The following SFSWAP variants were observed in gnomAD, a reference collection of about 807,000 sequenced individuals.
SFSWAP encodes splicing factor SWAP.
A neutral mutation model predicts 100.7 loss-of-function variants in SFSWAP; 17 were observed. The observed-to-expected ratio is 0.17, with a 90% CI of 0.12 to 0.25. SFSWAP has a LOEUF of 0.25. Among genes scored for constraint, SFSWAP ranks in the 10% least tolerant of loss-of-function variants. SFSWAP has a pLI of 1.00. For synonymous variants in SFSWAP, 504 were observed against 510.1 expected (o/e 0.99, Z 0.16); for missense variants, 1,005 against 1,262.6 (o/e 0.80, Z 3.09).
At chr12:131,751,463 G>A (rs575063806) in intron 7 of SFSWAP, among the ~76,000 whole-genome samples, 10 of 152,302 alleles carry the variant, frequency 6.6e-5, no homozygotes, top group East Asian at 1.9e-4. Flanking sequence ...GGTCAGTTCC[G>A]CCTGGCCCTC....
rs549602518 is a variant in SFSWAP, at chr12:131,711,099, C to T, written c.-131C>T. The T allele has an allele frequency of 7.0e-5, 51 of 725,874 alleles. No individual in the cohort carries two copies. In the Middle Eastern group the frequency reaches 1.2e-3, roughly 17 times the overall value. 45.0% of individuals were successfully genotyped at this position (725,874 alleles called of 1,614,324 possible). A position where few individuals can be genotyped will look rare whatever the true frequency, so the allele number is the denominator to read the frequency against. ...AAGCTGCCCCTCCACCATTTTGTGG[C>T]CCGCTATGGCGGCGGTGTTGAGGTT... On this transcript the variant is annotated 5_prime_UTR_variant, in exon 1 of 18. Transcript: ENST00000261674. The surrounding 1 kb of genome is among the most constrained non-coding windows in gnomAD (Gnocchi z 4.9).
At chr12:131,759,225 A>C (rs1474899970) in intron 11 of SFSWAP, among the ~76,000 whole-genome samples, 1 of 152,226 alleles carries the variant, frequency 6.6e-6, no homozygotes, top group African/African-American at 2.4e-5. Context: ...TAAGTGCTGA[A>C]ATTATTTCAT....
intron 14 of SFSWAP, among the ~76,000 whole-genome samples, chr12:131,783,302 C>G (rs779315110): frequency 1.6e-4 from 25 of 151,978 alleles, no homozygotes; most frequent in Non-Finnish European, 2.9e-4. Flanking sequence ...AGTTCATTTA[C>G]AACCTGAAAT....
chr12:131,737,420 C>T (rs1880139273), intron 7 of SFSWAP, among the ~76,000 whole-genome samples: 2 of 152,198 alleles, frequency 1.3e-5, no homozygotes. Context: ...CAGCGTGACT[C>T]GTCACCCTCT....
intron 13 of SFSWAP, among the ~76,000 whole-genome samples, chr12:131,771,554 G>C (rs1468660240): frequency 1.3e-5 from 2 of 151,942 alleles, no homozygotes; most frequent in Non-Finnish European, 2.9e-5. Flanking sequence ...TGTCCCTGTC[G>C]GCATTGGTTA....
chr12:131,797,582 C>G (rs1048095389), intron 16 of SFSWAP, among the ~76,000 whole-genome samples: 2 of 152,250 alleles, frequency 1.3e-5, no homozygotes, highest in South Asian at 4.1e-4. Flanking sequence ...TGGGGAGACC[C>G]TCCTGCAGAG....
At chr12:131,780,047 C>T (rs1177419467) in intron 14 of SFSWAP, among the ~76,000 whole-genome samples, 1 of 152,172 alleles carries the variant, frequency 6.6e-6, no homozygotes, top group Non-Finnish European at 1.5e-5. Flanking sequence ...CAGCCTCCCA[C>T]AGTGCTGGGG....
At chr12:131,727,154 G>T (rs757794667) in intron 6 of SFSWAP, 102 bp downstream of exon 6, 4 of 711,000 alleles carry the variant, frequency 5.6e-6, no homozygotes, top group Non-Finnish European at 9.7e-6. Flanking sequence ...TGTTACAGTT[G>T]TATCTTATTT....
intron 7 of SFSWAP, among the ~76,000 whole-genome samples, chr12:131,737,999 GTAAT>G (rs1880200244): frequency 1.3e-5 from 2 of 151,978 alleles, no homozygotes; most frequent in African/African-American, 2.4e-5. Context: ...ATAAATAAAA[GTAAT>G]TATGCAGGAG....
At chr12:131,793,693 T>G (rs944627837) in intron 15 of SFSWAP, among the ~76,000 whole-genome samples, 4 of 152,098 alleles carry the variant, frequency 2.6e-5, no homozygotes, top group African/African-American at 4.8e-5. Flanking sequence ...GCTGCATGTG[T>G]CTCTGACAAA....
chr12:131,754,694 C>T lies in SFSWAP; in HGVS notation c.1454+195C>T, dbSNP rs575552743. On this transcript the variant is annotated intron_variant, in intron 9 of 17. Transcript: ENST00000261674. Reference sequence around the variant, plus strand: ...TGTCACCCAGGCTGGAGTGCAGTGGCGCGATCTTGATTGACTGTAACCTCT... The same window carrying T: ...TGTCACCCAGGCTGGAGTGCAGTGGTGCGATCTTGATTGACTGTAACCTCT... Among the ~76,000 whole-genome samples the T allele has an allele frequency of 1.5e-4, 18 of 117,680 alleles. No homozygotes were observed. In the East Asian group the frequency reaches 2.7e-3, roughly 18 times the overall value. The allele number at this position is 117,680 out of a possible 152,430, so 77.2% of individuals were successfully genotyped here.
rs68047235 is a variant in SFSWAP at position 131,783,792 on chromosome 12, T to TTATATATATATATATATATATATATA, written c.2409-2666_2409-2641dup. 343 of 86,516 alleles carry TTATATATATATATATATATATATATA rather than the reference T, an allele frequency of 4.0e-3. 7 individuals carry two copies. The highest frequency in any genetic ancestry group is 5.6e-3 in the Non-Finnish European group (234 of 42,102). The allele number at this position is 86,516 out of a possible 1,614,324, so 5.4% of individuals were successfully genotyped here. A position where few individuals can be genotyped will look rare whatever the true frequency, so the allele number is the denominator to read the frequency against. ...AGACTCCGTCTCAAAAAAAAACATT[T>TTATATATATATATATATATATATATA]TATATATATATATATATATATATAT... On this transcript the variant is annotated intron_variant, in intron 14 of 17. Coordinates refer to ENST00000261674, the MANE Select transcript of SFSWAP (RefSeq NM_004592.4).
Position 131,754,411 on chromosome 12 carries a change from G to A in SFSWAP, c.1366G>A (p.Val456Ile), listed in dbSNP as rs150417857. 4.2e-5 allele frequency: 67 copies of A among 1,589,148 alleles called. No homozygotes were observed. In the African/African-American group the frequency reaches 7.1e-4, roughly 17 times the overall value. ...CGCCATCATCCCCCCGCCCCCCGAC[G>A]TCCAGCCCGTGATTGACAAGCTGGC... ...VAAIIPPPPD[V>I]QPVIDKLAEY... Residue 456 changes from valine (V) to isoleucine (I), a missense_variant, in exon 9 of 18, where the codon GTC (valine) becomes ATC (isoleucine). Physicochemically the swap from Val to Ile is conservative, Grantham distance 29 (BLOSUM62 3). This residue lies in a region of SFSWAP where 311 missense variants were observed against 317.8 expected (regional missense o/e 0.98). Transcript: ENST00000261674.
At chr12:131,712,313 C>T (rs1202590495) in intron 1 of SFSWAP, 1 of 152,252 alleles carries the variant, frequency 6.6e-6, no homozygotes, top group East Asian at 1.9e-4. Context: ...AAAAGGATAA[C>T]ATTACATGAT....
intron 11 of SFSWAP, among the ~76,000 whole-genome samples, chr12:131,758,468 A>G (rs1403409259): frequency 6.6e-6 from 1 of 152,246 alleles, no homozygotes; most frequent in Non-Finnish European, 1.5e-5. Flanking sequence ...GGAGACAGAA[A>G]TGTCATTGCG....
intron 8 of SFSWAP, 126 bp from the exon 9 acceptor site, chr12:131,754,242 C>T (rs1593151243): frequency 1.7e-6 from 1 of 572,352 alleles, no homozygotes; most frequent in South Asian, 4.7e-5. Context: ...AAGAGCCTCC[C>T]CTAACACACT....
At chr12:131,731,366 C>T (rs1278502150) in intron 7 of SFSWAP, among the ~76,000 whole-genome samples, 1 of 152,198 alleles carries the variant, frequency 6.6e-6, no homozygotes, top group Non-Finnish European at 1.5e-5. Flanking sequence ...CCTTGTTCTG[C>T]CTGCCTCATG....
chr12:131,780,639 G>C (rs1884425788), intron 14 of SFSWAP, among the ~76,000 whole-genome samples: 1 of 152,176 alleles, frequency 6.6e-6, no homozygotes, highest in Non-Finnish European at 1.5e-5. Flanking sequence ...ACTCCAGCCT[G>C]GGTGACAGAG....
At chr12:131,752,252 C>T (rs1168718263) in intron 7 of SFSWAP, among the ~76,000 whole-genome samples, 2 of 152,110 alleles carry the variant, frequency 1.3e-5, no homozygotes, top group Non-Finnish European at 2.9e-5. Flanking sequence ...AATATTTTTG[C>T]CATCTCCTAA....
Sources: gnomAD v4.1 joint callset for allele counts (sites outside exome capture counted in the v4.1 genomes callset) on GRCh38, gnomAD v4.1.1 for gene constraint, gnomAD v4.1.1 regional missense constraint, Gnocchi (gnomAD v3.1) non-coding constraint, MANE v1.5 for transcripts, NCBI Gene and HGNC (gene_info 2026-07-23, HGNC 2026-07-21) for gene names.